Variants in IL1RAPL1 observed in about 807,000 individuals in gnomAD.
IL1RAPL1 encodes the protein interleukin-1 receptor accessory protein-like 1.
IL1RAPL1 carries 3 observed loss-of-function variants against 48.4 expected under a neutral mutation model. The observed-to-expected ratio is 0.06, with a 90% confidence interval of 0.03 to 0.16. IL1RAPL1 has a LOEUF of 0.16. Ranked by LOEUF, IL1RAPL1 falls within the 10% of genes least tolerant of loss-of-function variation. IL1RAPL1 has a pLI of 1.00. For missense variants in IL1RAPL1, 349 were observed against 530.6 expected (o/e 0.66, Z 3.36); for synonymous variants, 185 against 187.7 (o/e 0.99, Z 0.12).
At chrX:29,200,361 G>C (rs779044231) in intron 2 of IL1RAPL1, among the ~76,000 whole-genome samples, 20 of 111,197 alleles carry the variant, frequency 1.8e-4, no homozygotes, top group Non-Finnish European at 3.4e-4. Flanking sequence ...TCTTCCTCCA[G>C]CTTGGGGCTT....
At chrX:29,537,200 A>G (rs1214858185) in intron 5 of IL1RAPL1, among the ~76,000 whole-genome samples, 1 of 111,302 alleles carries the variant, frequency 9.0e-6, no homozygotes, top group Admixed American at 9.6e-5. Context: ...GAATAAAGAC[A>G]TATTTGGATA....
At chrX:29,361,560 C>CAT (rs1208545484) in intron 3 of IL1RAPL1, among the ~76,000 whole-genome samples, 1 of 107,059 alleles carries the variant, frequency 9.3e-6, no homozygotes, top group Admixed American at 9.8e-5. Context: ...CACACACACA[C>CAT]ACACACACAC....
At chrX:28,865,225 G>A (rs1334464791) in intron 2 of IL1RAPL1, among the ~76,000 whole-genome samples, 12 of 111,236 alleles carry the variant, frequency 1.1e-4, no homozygotes. Context: ...ATCACCTGAG[G>A]TCAGAAGTTC....
chrX:28,785,557 C>T (rs1488390954), intron 1 of IL1RAPL1, among the ~76,000 whole-genome samples: 1 of 111,679 alleles, frequency 9.0e-6, no homozygotes, highest in Non-Finnish European at 1.9e-5. Flanking sequence ...ACTTTTTCTC[C>T]CTCTTGATTC....
chrX:29,050,668 T>G (rs1927073865), intron 2 of IL1RAPL1, among the ~76,000 whole-genome samples: 1 of 112,360 alleles, frequency 8.9e-6, no homozygotes, highest in South Asian at 3.7e-4. Context: ...TTTGCCATTA[T>G]TTTTCAGGAA....
intron 5 of IL1RAPL1, among the ~76,000 whole-genome samples, chrX:29,581,006 T>C (rs1436382193): frequency 8.9e-6 from 1 of 111,987 alleles, no homozygotes; most frequent in Non-Finnish European, 1.9e-5. Flanking sequence ...CTCAATGTAG[T>C]CTAAAATAGG....
At chrX:29,201,447 G>T (rs994539840) in intron 2 of IL1RAPL1, among the ~76,000 whole-genome samples, 15 of 111,104 alleles carry the variant, frequency 1.4e-4, no homozygotes, top group Non-Finnish European at 2.8e-4. Context: ...CGTTGTCTCT[G>T]TTTTTTAACT....
In IL1RAPL1 at chrX:29,920,076, G is replaced by A. The variant is rs200419221; in HGVS notation, c.1039G>A (p.Val347Ile). 58 of 1,209,940 alleles carry A rather than the reference G, an allele frequency of 4.8e-5. No individual in the cohort carries two copies. Among genetic ancestry groups the A allele is most frequent in the East Asian group, 3.0e-5 (1 of 33,776 alleles). The change falls in exon 8 of 11, where the codon GTT becomes ATT. Residue 347 changes from valine (V) to isoleucine (I), a missense_variant. Around this residue, in one of 3 missense-constraint regions of IL1RAPL1, gnomAD observed 238 missense variants for 337.8 expected, o/e 0.70. Transcript: ENST00000378993. ...ENGNGRRHAS[V>I]LLHKRELMYT... ...TGGAAATGGACGTCGACACGCCAGC[G>A]TTCTCCTTCATAAACGAGGTGAGTG...
chrX:29,943,303 G>A (rs908920084), intron 9 of IL1RAPL1, among the ~76,000 whole-genome samples: 3 of 111,800 alleles, frequency 2.7e-5, no homozygotes, highest in Non-Finnish European at 5.6e-5. Flanking sequence ...AACTACTGTT[G>A]AATGAGCACC....
At chrX:29,683,155 C>T (rs1187549492) in intron 6 of IL1RAPL1, among the ~76,000 whole-genome samples, 2 of 112,153 alleles carry the variant, frequency 1.8e-5, no homozygotes, top group East Asian at 2.8e-4. Flanking sequence ...AATTGGTTCG[C>T]TAGTTCCATT....
chrX:29,368,002 T>A (rs1302280683), intron 3 of IL1RAPL1, among the ~76,000 whole-genome samples: 1 of 111,112 alleles, frequency 9.0e-6, no homozygotes, highest in Non-Finnish European at 1.9e-5. Flanking sequence ...TATGTGTATA[T>A]ATAATACAGT....
chrX:29,582,198 TC>T (rs1203068547), intron 5 of IL1RAPL1, among the ~76,000 whole-genome samples: 1 of 110,938 alleles, frequency 9.0e-6, no homozygotes, highest in African/African-American at 3.3e-5. Context: ...TATTACATAA[TC>T]CTAAAAATGA....
At chrX:29,042,875 AAATT>A (rs758430529) in intron 2 of IL1RAPL1, among the ~76,000 whole-genome samples, 119 of 112,296 alleles carry the variant, frequency 1.1e-3, no homozygotes, top group African/African-American at 3.4e-3. Flanking sequence ...GTCATGGAGA[AAATT>A]AATAACTACT....
chrX:29,025,169 G>A (rs778985835), intron 2 of IL1RAPL1, among the ~76,000 whole-genome samples: 1 of 112,151 alleles, frequency 8.9e-6, no homozygotes, highest in Non-Finnish European at 1.9e-5. Flanking sequence ...AAAAAATATT[G>A]CATTGCATGT....
intron 2 of IL1RAPL1, among the ~76,000 whole-genome samples, chrX:29,183,222 T>C (rs1238409724): frequency 9.0e-6 from 1 of 111,467 alleles, no homozygotes; most frequent in African/African-American, 3.3e-5. Flanking sequence ...CTATACTGTT[T>C]CCTGTGGAGA....
intron 5 of IL1RAPL1, among the ~76,000 whole-genome samples, chrX:29,658,457 A>T (rs1925749575): frequency 8.9e-6 from 1 of 112,288 alleles, no homozygotes; most frequent in Non-Finnish European, 1.9e-5. Flanking sequence ...GTTTATCAAG[A>T]TGTTGGACAG....
intron 1 of IL1RAPL1, among the ~76,000 whole-genome samples, chrX:28,749,807 A>T (rs1936019240): frequency 9.1e-6 from 1 of 109,463 alleles, no homozygotes; most frequent in Admixed American, 9.9e-5. Flanking sequence ...GTTCTTATCT[A>T]AAAAAAAATT....
intron 5 of IL1RAPL1, among the ~76,000 whole-genome samples, chrX:29,490,321 C>T (rs1053592857): frequency 4.5e-5 from 5 of 111,032 alleles, no homozygotes; most frequent in African/African-American, 1.6e-4. Flanking sequence ...CACTTGAGGC[C>T]AGGAGTTCAA....
At chrX:29,517,207 C>T (rs1935455117) in intron 5 of IL1RAPL1, among the ~76,000 whole-genome samples, 1 of 110,360 alleles carries the variant, frequency 9.1e-6, no homozygotes, top group South Asian at 3.8e-4. Flanking sequence ...CAGTAAAATG[C>T]TTACCAGAAT....
Sources: gnomAD v4.1 joint callset for allele counts (sites outside exome capture counted in the v4.1 genomes callset) on GRCh38, gnomAD v4.1.1 for gene constraint, gnomAD v4.1.1 regional missense constraint, MANE v1.5 for transcripts, NCBI Gene and HGNC (gene_info 2026-07-23, HGNC 2026-07-21) for gene names.